NFIB: variants seen among roughly 807,000 people sequenced by gnomAD.
The protein encoded by NFIB is nuclear factor 1 B-type.
NFIB carries 11 observed loss-of-function variants against 61.5 expected under a neutral mutation model. The observed-to-expected ratio is 0.18, with a 90% CI of 0.11 to 0.30. NFIB has a LOEUF of 0.30. Ranked by LOEUF, NFIB falls within the 10% of genes least tolerant of loss-of-function variation. The probability of loss-of-function intolerance (pLI) is 1.00; values close to 1 mark genes in which losing one functional copy is unlikely to be tolerated. For synonymous variants in NFIB, 260 were observed against 216.5 expected, an observed-to-expected ratio of 1.20 and a Z score of -1.76; for missense variants, 471 against 608.9, an observed-to-expected ratio of 0.77 and a Z score of 2.38.
intron 2 of NFIB, among the ~76,000 whole-genome samples, chr9:14,275,643 T>C (rs1042563357): frequency 3.9e-5 from 6 of 152,082 alleles, no homozygotes; most frequent in Non-Finnish European, 8.8e-5. Context: ...TGAGTACTTA[T>C]CTAAAAGGAC....
At chr9:14,519,605 G>C in the NFIB span, among the ~76,000 whole-genome samples, 1 of 152,196 alleles carries the variant, frequency 6.6e-6, no homozygotes, top group East Asian at 1.9e-4. Flanking sequence ...TATACTGTCA[G>C]GCATTTTACT....
chr9:14,197,962 A>T (rs541830272), intron 2 of NFIB, among the ~76,000 whole-genome samples: 1 of 152,274 alleles, frequency 6.6e-6, no homozygotes, highest in Admixed American at 6.5e-5. Flanking sequence ...AGTGCTATGG[A>T]CAATTTTACA....
intron 2 of NFIB, chr9:14,204,997 C>A: frequency 3.6e-6 from 1 of 275,242 alleles, no homozygotes. Context: ...CTTACATTGC[C>A]AAGCTCAAAA....
At chr9:14,289,270 G>C (rs527927263) in intron 2 of NFIB, among the ~76,000 whole-genome samples, 14 of 147,800 alleles carry the variant, frequency 9.5e-5, no homozygotes, top group African/African-American at 3.2e-4. Context: ...ACATATACAT[G>C]TACATACATT....
chr9:14,394,300 A>T (rs2061657999), intron 1 of NFIB, among the ~76,000 whole-genome samples: 1 of 152,204 alleles, frequency 6.6e-6, no homozygotes, highest in Admixed American at 6.5e-5. Flanking sequence ...TTGAGCCAAA[A>T]CAAACAAACA....
intron 2 of NFIB, among the ~76,000 whole-genome samples, chr9:14,295,495 G>GTA (rs2059379606): frequency 3.3e-5 from 5 of 152,076 alleles, no homozygotes; most frequent in African/African-American, 9.7e-5. Flanking sequence ...GCCGGGCGTG[G>GTA]GGAAGGGCGC....
the NFIB span, among the ~76,000 whole-genome samples, chr9:14,511,665 C>T: frequency 6.6e-6 from 1 of 152,128 alleles, no homozygotes. Flanking sequence ...TGGTCTTGGC[C>T]ACTATGACAC....
chr9:14,452,255 A>G, the NFIB span, among the ~76,000 whole-genome samples: 1 of 152,098 alleles, frequency 6.6e-6, no homozygotes, highest in Non-Finnish European at 1.5e-5. Context: ...AAATTCCCCA[A>G]GCAGTTTTAA....
intron 1 of NFIB, among the ~76,000 whole-genome samples, chr9:14,379,813 G>C (rs1230287492): frequency 6.6e-6 from 1 of 152,052 alleles, no homozygotes; most frequent in African/African-American, 2.4e-5. Flanking sequence ...CTCCCGAGTA[G>C]CTGGAATTAC....
At chr9:14,217,773 C>T (rs1405617780) in intron 2 of NFIB, among the ~76,000 whole-genome samples, 1 of 151,460 alleles carries the variant, frequency 6.6e-6, no homozygotes, top group Non-Finnish European at 1.5e-5. Flanking sequence ...TTATCTCATT[C>T]AAGATATTAC....
the NFIB span, among the ~76,000 whole-genome samples, chr9:14,453,201 C>G: frequency 6.6e-6 from 1 of 152,302 alleles, no homozygotes; most frequent in Admixed American, 6.5e-5. Flanking sequence ...TGAAATGACT[C>G]CCAGCAAAGG....
rs540737556 is a variant in NFIB, at chr9:14,204,634, A to T, written c.563-24854T>A. ...AAGCGCCGGCAAAGGGGACCTCCCCACTAAGAACACCTGTCCTTCAAGCAG... is the reference window on the plus strand; with the variant it reads ...AAGCGCCGGCAAAGGGGACCTCCCCTCTAAGAACACCTGTCCTTCAAGCAG... On this transcript the variant is annotated intron_variant, in intron 2 of 10. Coordinates refer to ENST00000380953, the MANE Select transcript of NFIB (RefSeq NM_001190737.2). The T allele has an allele frequency of 5.7e-4, 390 of 682,528 alleles. No individual in the cohort carries two copies. The African/African-American group carries it at 6.3e-3, about 11-fold the overall frequency. 42.3% of individuals were successfully genotyped at this position (682,528 alleles called of 1,614,324 possible). A position where few individuals can be genotyped will look rare whatever the true frequency, so the allele number is the denominator to read the frequency against.
At chr9:14,163,433 A>G (rs898063036) in intron 3 of NFIB, among the ~76,000 whole-genome samples, 1 of 151,970 alleles carries the variant, frequency 6.6e-6, no homozygotes, top group Non-Finnish European at 1.5e-5. Context: ...AGAGAACAAA[A>G]AGTTGTAAAT....
At chr9:14,192,580 G>A (rs2048063553) in intron 2 of NFIB, among the ~76,000 whole-genome samples, 1 of 152,198 alleles carries the variant, frequency 6.6e-6, no homozygotes, top group South Asian at 2.1e-4. Flanking sequence ...TGGGAATTTG[G>A]AGGGTGGGAA....
chr9:14,168,512 T>C (rs1238490737), intron 3 of NFIB, among the ~76,000 whole-genome samples: 3 of 152,128 alleles, frequency 2.0e-5, no homozygotes, highest in Non-Finnish European at 4.4e-5. Context: ...AAAGGCATAG[T>C]CCATGTGTGC....
intron 2 of NFIB, among the ~76,000 whole-genome samples, chr9:14,186,543 T>G (rs2047352451): frequency 6.6e-6 from 1 of 152,150 alleles, no homozygotes; most frequent in African/African-American, 2.4e-5. Context: ...TGCATGTATT[T>G]TATAGTAGGG....
rs761131575 is a variant in NFIB, at chr9:14,146,831, T to C, written c.807-24A>G. 2.5e-6 allele frequency: 4 copies of C among 1,597,064 alleles called. No individual in the cohort carries two copies. In the African/African-American group the frequency reaches 4.1e-5, roughly 16 times the overall value. ...TGCTGTTAAAATATGGCAATAGTTA[T>C]ATTAATGGGATTTCTGGGAAGATGT... On this transcript the variant is annotated intron_variant, in intron 5 of 10. Transcript: ENST00000380953.
At chr9:14,489,946 G>C in the NFIB span, among the ~76,000 whole-genome samples, 1 of 151,928 alleles carries the variant, frequency 6.6e-6, no homozygotes, top group Non-Finnish European at 1.5e-5. Flanking sequence ...TTTCAATTTA[G>C]GTGGTTTTGC....
chr9:14,420,045 T>C, the NFIB span, among the ~76,000 whole-genome samples: 2 of 152,154 alleles, frequency 1.3e-5, no homozygotes, highest in South Asian at 2.1e-4. Flanking sequence ...TAGCTCACTC[T>C]GCAGGCTCTA....
Sources: gnomAD v4.1 joint callset for allele counts (sites outside exome capture counted in the v4.1 genomes callset) on GRCh38, gnomAD v4.1.1 for gene constraint, MANE v1.5 for transcripts, NCBI Gene and HGNC (gene_info 2026-07-23, HGNC 2026-07-21) for gene names.